MAN2A1: variants seen among roughly 807,000 people sequenced by gnomAD.
The protein encoded by MAN2A1 is mannosidase alpha class 2A member 1, also known as alpha-mannosidase 2.
Under a neutral mutation model 142.6 loss-of-function variants are expected in MAN2A1, and 76 were observed. The observed-to-expected ratio is 0.53, with a 90% CI of 0.44 to 0.65. The LOEUF (loss-of-function observed/expected upper bound fraction) is 0.65. Ranked by LOEUF, MAN2A1 falls within the 30% of genes least tolerant of loss-of-function variation. The pLI is 0.00. For missense variants in MAN2A1, 1,311 were observed against 1,365.1 expected (o/e 0.96, Z 0.62); for synonymous variants, 559 against 473.2 (o/e 1.18, Z -2.35).
chr5:109,760,256 T>G (rs1752806877), intron 5 of MAN2A1, among the ~76,000 whole-genome samples: 1 of 152,122 alleles, frequency 6.6e-6, no homozygotes, highest in Non-Finnish European at 1.5e-5. Flanking sequence ...TGTTCCTGTG[T>G]TAGTTTGCTG....
chr5:109,861,928 A>C (rs1053728817), intron 20 of MAN2A1, among the ~76,000 whole-genome samples: 1 of 152,224 alleles, frequency 6.6e-6, no homozygotes, highest in Admixed American at 6.5e-5. Context: ...TGAGTATAAG[A>C]GAGAATGCTT....
At position 109,781,431 on chromosome 5, in the gene MAN2A1, G is replaced by T. The variant is rs368182406; in HGVS notation, c.1410G>T (p.Ala470=). Residue 470 remains alanine, a synonymous_variant, in exon 9 of 22, where the codon GCG becomes GCT. Coordinates refer to ENST00000261483, the MANE Select transcript of MAN2A1 (RefSeq NM_002372.4). ...QFGTLSDFFD[A]LDKADETQRD... The stretch of plus-strand genomic sequence containing the variant: ...GAACTTTATCAGATTTTTTTGATGC[G>T]CTGGATAAAGCAGATGAAACTCAGA... The T allele has an allele frequency of 3.7e-6, 6 of 1,606,730 alleles. No homozygotes were observed. Among genetic ancestry groups the T allele is most frequent in the African/African-American group, 1.3e-5 (1 of 74,592 alleles).
intron 12 of MAN2A1, among the ~76,000 whole-genome samples, chr5:109,810,567 A>G (rs1041301161): frequency 3.3e-5 from 5 of 152,162 alleles, no homozygotes; most frequent in Admixed American, 6.5e-5. Context: ...GAAAAAATCA[A>G]CTGTGTACCT....
intron 8 of MAN2A1, among the ~76,000 whole-genome samples, chr5:109,779,043 T>G (rs2112662850): frequency 6.6e-6 from 1 of 152,248 alleles, no homozygotes; most frequent in East Asian, 1.9e-4. Context: ...ATATTTTTAT[T>G]TGGTTATTCT....
intron 12 of MAN2A1, among the ~76,000 whole-genome samples, chr5:109,799,748 C>T (rs1159304899): frequency 6.9e-6 from 1 of 145,554 alleles, no homozygotes; most frequent in East Asian, 2.4e-4. Flanking sequence ...GAGCAAAACT[C>T]CGTCTCAAAA....
At chr5:109,767,510 T>C (rs760854393) in intron 5 of MAN2A1, 25 bp from the exon 6 acceptor site, 5 of 1,589,200 alleles carry the variant, frequency 3.1e-6, no homozygotes, top group South Asian at 1.1e-5. Context: ...TTAAAAAAAT[T>C]AACACTTATC....
At chr5:109,761,431 C>T (rs77692957) in intron 5 of MAN2A1, among the ~76,000 whole-genome samples, 2 of 151,826 alleles carry the variant, frequency 1.3e-5, no homozygotes, top group African/African-American at 2.4e-5. Flanking sequence ...ACAGTGAATA[C>T]GTAATATTAC....
In MAN2A1 at chr5:109,841,834, TCTC is replaced by T. The variant is rs1755213189; in HGVS notation, c.2567-491_2567-489del. Reference sequence around the variant, plus strand: ...TTCAGCCATAAACCATCTCATTAGATCTCCTGTCTCTTTTCCTAGCAATAATAC... The same window carrying T: ...TTCAGCCATAAACCATCTCATTAGATCTGTCTCTTTTCCTAGCAATAATAC... On this transcript the variant is annotated intron_variant, in intron 16 of 21. Coordinates refer to ENST00000261483, the MANE Select transcript of MAN2A1 (RefSeq NM_002372.4). 2.6e-5 allele frequency among the ~76,000 whole-genome samples: 4 copies of T among 152,298 alleles called. No homozygotes were observed. In the South Asian group the frequency reaches 8.3e-4, roughly 32 times the overall value.
At chr5:109,862,354 G>A (rs774182757) in intron 20 of MAN2A1, 1 of 152,188 alleles carries the variant, frequency 6.6e-6, no homozygotes, top group Non-Finnish European at 1.5e-5. Context: ...TGAGCTGAAT[G>A]TTGGTTTTAT....
At chr5:109,737,249 G>T (rs1207612208) in intron 4 of MAN2A1, among the ~76,000 whole-genome samples, 1 of 151,604 alleles carries the variant, frequency 6.6e-6, no homozygotes, top group East Asian at 1.9e-4. Context: ...CTGCCACCAT[G>T]CCTGGCTAAT....
chr5:109,800,899 G>A (rs1010370467), intron 12 of MAN2A1, among the ~76,000 whole-genome samples: 1 of 152,174 alleles, frequency 6.6e-6, no homozygotes, highest in African/African-American at 2.4e-5. Flanking sequence ...TAATCATTAG[G>A]CAATTAAATA....
At chr5:109,757,138 T>C (rs73785020) in intron 5 of MAN2A1, among the ~76,000 whole-genome samples, 16,246 of 152,170 alleles carry the variant, frequency 0.11, 1,236 homozygotes, top group African/African-American at 0.23. Flanking sequence ...TAATAAATTA[T>C]AGGTGTGAGT....
At position 109,755,558 on chromosome 5, in the gene MAN2A1, A is replaced by G; in HGVS notation, c.835+102A>G. 3.5e-6 allele frequency: 3 copies of G among 859,660 alleles called. No individual in the cohort carries two copies. In the South Asian group the frequency reaches 5.5e-5, roughly 16 times the overall value. The allele number at this position is 859,660 out of a possible 1,614,324, so 53.3% of individuals were successfully genotyped here. A position where few individuals can be genotyped will look rare whatever the true frequency, so the allele number is the denominator to read the frequency against. On this transcript the variant is annotated intron_variant, in intron 5 of 21. Transcript: ENST00000261483. ...TTTTCGAGTAACTATTTTCCCTGTT[A>G]GTCATTATTGTTGAATAATTTATTC... is the stretch of plus-strand genomic sequence containing the variant.
At chr5:109,859,584 T>C (rs77409122) in intron 20 of MAN2A1, among the ~76,000 whole-genome samples, 1,615 of 152,240 alleles carry the variant, frequency 0.011, 30 homozygotes, top group African/African-American at 0.037. Flanking sequence ...GATCTTGAGA[T>C]ACTAAAAAGA....
At chr5:109,814,139 A>G (rs888118138) in intron 12 of MAN2A1, among the ~76,000 whole-genome samples, 1 of 152,204 alleles carries the variant, frequency 6.6e-6, no homozygotes, top group Admixed American at 6.5e-5. Context: ...TGGAGAAGAA[A>G]AAAGCACTGA....
chr5:109,813,929 C>T (rs1363528516), intron 12 of MAN2A1, among the ~76,000 whole-genome samples: 1 of 152,176 alleles, frequency 6.6e-6, no homozygotes, highest in East Asian at 1.9e-4. Context: ...AGATTATCTT[C>T]TGCCCTCTAG....
intron 9 of MAN2A1, among the ~76,000 whole-genome samples, chr5:109,784,419 C>T (rs1252249884): frequency 1.3e-5 from 2 of 152,048 alleles, no homozygotes; most frequent in Non-Finnish European, 2.9e-5. Flanking sequence ...GAAATTTATC[C>T]AATTTTTCAG....
At chr5:109,842,307 T>C (rs767341363) in intron 16 of MAN2A1, 21 bp from the exon 17 acceptor site, 2 of 1,454,062 alleles carry the variant, frequency 1.4e-6, no homozygotes, top group Non-Finnish European at 9.3e-7. Context: ...TATTAATCCA[T>C]ATATATTTTT....
At chr5:109,789,661 T>G in intron 12 of MAN2A1, 134 bp downstream of exon 12, 1 of 606,274 alleles carries the variant, frequency 1.6e-6, no homozygotes, top group African/African-American at 1.9e-5. Flanking sequence ...AAAAATGGAT[T>G]TTCTTTCATG....
Sources: allele counts gnomAD v4.1 joint callset (sites outside exome capture counted in the v4.1 genomes callset), GRCh38; gene constraint gnomAD v4.1.1; transcripts MANE v1.5; gene names NCBI Gene and HGNC (gene_info 2026-07-23, HGNC 2026-07-21).